SLC24A2: variants seen among roughly 807,000 people sequenced by gnomAD.
SLC24A2 encodes sodium/potassium/calcium exchanger 2.
A neutral mutation model predicts 62.0 loss-of-function variants in SLC24A2; 36 were observed. That is an observed-to-expected ratio of 0.58 (90% confidence interval 0.44 to 0.77). The LOEUF (loss-of-function observed/expected upper bound fraction) is 0.77. Ranked by LOEUF, SLC24A2 falls within the 30% of genes least tolerant of loss-of-function variation. The probability of loss-of-function intolerance (pLI) is 0.00; values close to 1 mark genes in which losing one functional copy is unlikely to be tolerated. For missense variants in SLC24A2, 846 were observed against 817.9 expected (o/e 1.03, Z -0.42); for synonymous variants, 358 against 294.0 (o/e 1.22, Z -2.23).
At chr9:20,215,205 T>A in the SLC24A2 span, among the ~76,000 whole-genome samples, 1 of 152,108 alleles carries the variant, frequency 6.6e-6, no homozygotes, top group Admixed American at 6.5e-5. Flanking sequence ...CTCTCTTGGG[T>A]CTCTTTTATA....
the SLC24A2 span, among the ~76,000 whole-genome samples, chr9:19,952,680 G>A: frequency 5.0e-5 from 7 of 141,226 alleles, no homozygotes; most frequent in Non-Finnish European, 9.2e-5. Context: ...TTTTTTGCCA[G>A]TGTTCATGAG....
intron 2 of SLC24A2, among the ~76,000 whole-genome samples, chr9:19,654,864 G>A (rs867981411): frequency 3.7e-4 from 57 of 152,264 alleles, no homozygotes; most frequent in African/African-American, 1.3e-3. Flanking sequence ...AAGCATCAGT[G>A]TTCACTGTGG....
chr9:19,848,369 T>C, the SLC24A2 span, among the ~76,000 whole-genome samples: 1 of 152,224 alleles, frequency 6.6e-6, no homozygotes, highest in Non-Finnish European at 1.5e-5. Context: ...ATCTCTTAGC[T>C]GTGTTATTAC....
At chr9:20,153,906 G>A in the SLC24A2 span, among the ~76,000 whole-genome samples, 8 of 151,786 alleles carry the variant, frequency 5.3e-5, no homozygotes, top group East Asian at 9.7e-4. Context: ...AAATATTTTT[G>A]CTGGAAAAAA....
At chr9:19,721,350 G>A (rs1051098989) in intron 2 of SLC24A2, among the ~76,000 whole-genome samples, 3 of 152,112 alleles carry the variant, frequency 2.0e-5, no homozygotes, top group East Asian at 1.9e-4. Flanking sequence ...CTAAAATGCT[G>A]ACCCTCTGTT....
At chr9:20,123,693 A>C in the SLC24A2 span, among the ~76,000 whole-genome samples, 1 of 152,340 alleles carries the variant, frequency 6.6e-6, no homozygotes, top group South Asian at 2.1e-4. Context: ...AAAATAAGAT[A>C]AACAATTAAC....
intron 2 of SLC24A2, among the ~76,000 whole-genome samples, chr9:19,637,890 TC>T (rs1050343607): frequency 2.6e-5 from 4 of 152,168 alleles, no homozygotes; most frequent in African/African-American, 4.8e-5. Context: ...AAAAGAACAA[TC>T]AACCAGTGAA....
At chr9:19,970,136 C>G in the SLC24A2 span, among the ~76,000 whole-genome samples, 129 of 152,278 alleles carry the variant, frequency 8.5e-4, no homozygotes, top group African/African-American at 3.0e-3. Flanking sequence ...CCCCATCACC[C>G]CTCCACGCAT....
chr9:19,821,532 T>C, the SLC24A2 span, among the ~76,000 whole-genome samples: 1 of 152,124 alleles, frequency 6.6e-6, no homozygotes, highest in East Asian at 1.9e-4. Flanking sequence ...TGTTTGATAA[T>C]TGGGAGTAGA....
intron 2 of SLC24A2, among the ~76,000 whole-genome samples, chr9:19,772,051 G>C (rs1297900969): frequency 6.6e-6 from 1 of 152,168 alleles, no homozygotes; most frequent in African/African-American, 2.4e-5. Context: ...TTGCTGGTAG[G>C]GCTTCTGGGC....
the SLC24A2 span, among the ~76,000 whole-genome samples, chr9:20,104,771 C>G: frequency 6.6e-6 from 1 of 152,184 alleles, no homozygotes; most frequent in Admixed American, 6.5e-5. Flanking sequence ...ACCATCAAGG[C>G]TAGGAAGAAA....
the SLC24A2 span, among the ~76,000 whole-genome samples, chr9:20,004,581 T>G: frequency 1.3e-5 from 2 of 152,226 alleles, no homozygotes; most frequent in African/African-American, 4.8e-5. Flanking sequence ...TCTCCATTAG[T>G]GGATTTCACC....
the SLC24A2 span, among the ~76,000 whole-genome samples, chr9:20,241,617 G>C: frequency 2.1e-3 from 314 of 152,276 alleles, 1 homozygote; most frequent in African/African-American, 7.1e-3. Flanking sequence ...ATGATTACAT[G>C]ATCTCTGTCC....
chr9:20,066,753 T>C, the SLC24A2 span, among the ~76,000 whole-genome samples: 2 of 152,186 alleles, frequency 1.3e-5, no homozygotes, highest in Admixed American at 6.5e-5. Flanking sequence ...GAAATAAAAA[T>C]AGCCCACACT....
At chr9:19,944,726 TG>T in the SLC24A2 span, among the ~76,000 whole-genome samples, 1 of 150,908 alleles carries the variant, frequency 6.6e-6, no homozygotes, top group Non-Finnish European at 1.5e-5. Context: ...TCCAGTATAA[TG>T]CGCATGCAGG....
intron 2 of SLC24A2, among the ~76,000 whole-genome samples, chr9:19,736,989 T>C (rs185095504): frequency 2.0e-5 from 3 of 152,344 alleles, no homozygotes; most frequent in Admixed American, 2.0e-4. Flanking sequence ...CAGACAAATC[T>C]GCAAATATAG....
chr9:19,733,647 T>A (rs1182658), intron 2 of SLC24A2, among the ~76,000 whole-genome samples: 12,632 of 152,232 alleles, frequency 0.083, 1,349 homozygotes, highest in African/African-American at 0.25. Context: ...GATCCTGGTA[T>A]CTCTTCCAAG....
chr9:20,178,694 G>A, the SLC24A2 span, among the ~76,000 whole-genome samples: 1 of 152,132 alleles, frequency 6.6e-6, no homozygotes, highest in Non-Finnish European at 1.5e-5. Context: ...TAGCCTGGCT[G>A]GCATTGACCC....
the SLC24A2 span, among the ~76,000 whole-genome samples, chr9:20,047,924 G>C: frequency 3.3e-5 from 5 of 152,070 alleles, no homozygotes; most frequent in East Asian, 9.8e-4. Flanking sequence ...ATAGATAATA[G>C]TAGTCGTAGG....
Sources: allele counts gnomAD v4.1 joint callset (sites outside exome capture counted in the v4.1 genomes callset), GRCh38; gene constraint gnomAD v4.1.1; transcripts MANE v1.5; gene names NCBI Gene and HGNC (gene_info 2026-07-23, HGNC 2026-07-21).